The following SORCS2 variants were observed in gnomAD, a reference collection of about 807,000 sequenced individuals.
SORCS2 encodes the protein VPS10 domain-containing receptor SorCS2.
A neutral mutation model predicts 141.6 loss-of-function variants in SORCS2; 100 were observed. That is an observed-to-expected ratio of 0.71 (90% CI 0.60 to 0.83). The LOEUF (loss-of-function observed/expected upper bound fraction) is 0.83, where lower values mean the gene tolerates loss of function less well. Ranked by LOEUF, SORCS2 falls within the 40% of genes least tolerant of loss-of-function variation. The probability of loss-of-function intolerance (pLI) is 0.00; values close to 1 mark genes in which losing one functional copy is unlikely to be tolerated. For synonymous variants in SORCS2, 789 were observed against 676.9 expected, an observed-to-expected ratio of 1.17 and a Z score of -2.57; for missense variants, 1,646 against 1,560.2, an observed-to-expected ratio of 1.05 and a Z score of -0.93.
chr4:7,698,423 A>G (rs1724846185), intron 12 of SORCS2, among the ~76,000 whole-genome samples: 1 of 152,262 alleles, frequency 6.6e-6, no homozygotes. Context: ...CAAGAAACAT[A>G]GAACTTTCAA....
chr4:7,308,875 G>A lies in SORCS2; in HGVS notation c.481-87413G>A, dbSNP rs541575719. ...CAGGATAAAGCCACAGACCCTGCCC[G>A]TGCACAGCAGCAGCAGCAGAGACAC... On this transcript the variant is annotated intron_variant, in intron 1 of 26. Coordinates refer to ENST00000507866, the MANE Select transcript of SORCS2 (RefSeq NM_020777.3). Among the ~76,000 whole-genome samples the A allele has an allele frequency of 2.0e-3, 307 of 152,240 alleles. 1 individual carries two copies. The highest frequency in any genetic ancestry group is 7.0e-3 in the African/African-American group (292 of 41,534).
chr4:7,230,654 A>T (rs1711796746), intron 1 of SORCS2, among the ~76,000 whole-genome samples: 1 of 121,876 alleles, frequency 8.2e-6, no homozygotes, highest in Non-Finnish European at 1.8e-5. Flanking sequence ...TGTATGAAGG[A>T]GATGAAGATG....
intron 2 of SORCS2, chr4:7,434,738 A>AC: frequency 6.2e-7 from 1 of 1,613,032 alleles, no homozygotes; most frequent in Non-Finnish European, 8.5e-7. Context: ...CCTTGGCAGT[A>AC]CCCCACAGCC....
chr4:7,637,842 A>G (rs1314592458), intron 3 of SORCS2, among the ~76,000 whole-genome samples: 1 of 150,362 alleles, frequency 6.7e-6, no homozygotes, highest in East Asian at 2.0e-4. Flanking sequence ...CAGGCACTCC[A>G]TGAATGAATA....
chr4:7,337,888 T>C (rs1275891511), intron 1 of SORCS2, among the ~76,000 whole-genome samples: 1 of 152,066 alleles, frequency 6.6e-6, no homozygotes, highest in Non-Finnish European at 1.5e-5. Context: ...TGCTCCCACA[T>C]GCTGCCCCCT....
intron 9 of SORCS2, among the ~76,000 whole-genome samples, chr4:7,676,753 CTGT>C (rs1723149415): frequency 7.2e-6 from 1 of 138,544 alleles, no homozygotes; most frequent in Non-Finnish European, 1.6e-5. Flanking sequence ...CACCCCCGCC[CTGT>C]CATCTCCTCC....
chr4:7,542,469 G>A (rs1712757393), intron 3 of SORCS2, among the ~76,000 whole-genome samples: 1 of 152,204 alleles, frequency 6.6e-6, no homozygotes, highest in African/African-American at 2.4e-5. Flanking sequence ...ATGGGGAAGA[G>A]GAGAGGGCCA....
intron 1 of SORCS2, among the ~76,000 whole-genome samples, chr4:7,336,266 GGGA>G (rs1719982077): frequency 6.6e-6 from 1 of 152,192 alleles, no homozygotes; most frequent in Non-Finnish European, 1.5e-5. Context: ...CTCTGCTGAA[GGGA>G]GGAGAAGCAT....
chr4:7,344,070 C>T (rs1417141589), intron 1 of SORCS2, among the ~76,000 whole-genome samples: 3 of 152,186 alleles, frequency 2.0e-5, no homozygotes, highest in Non-Finnish European at 4.4e-5. Context: ...AATACTGACA[C>T]GGGAGGTATG....
At chr4:7,499,273 A>T (rs1424463749) in intron 2 of SORCS2, among the ~76,000 whole-genome samples, 1 of 152,112 alleles carries the variant, frequency 6.6e-6, no homozygotes, top group Non-Finnish European at 1.5e-5. Flanking sequence ...AGGTCGGGGG[A>T]CAGTGAGACG....
At chr4:7,558,099 G>C (rs146561683) in intron 3 of SORCS2, among the ~76,000 whole-genome samples, 1 of 152,340 alleles carries the variant, frequency 6.6e-6, no homozygotes, top group East Asian at 1.9e-4. Flanking sequence ...ACTGCCCACT[G>C]TGCCCCCAGG....
At chr4:7,541,028 C>T (rs1712606994) in intron 3 of SORCS2, among the ~76,000 whole-genome samples, 1 of 152,196 alleles carries the variant, frequency 6.6e-6, no homozygotes, top group Non-Finnish European at 1.5e-5. Flanking sequence ...CCAAACTATC[C>T]CTTCTGTCTC....
intron 8 of SORCS2, among the ~76,000 whole-genome samples, chr4:7,672,051 C>A (rs926363643): frequency 6.6e-6 from 1 of 150,782 alleles, no homozygotes; most frequent in African/African-American, 2.4e-5. Context: ...TCAAGCAATT[C>A]TCCTGCCTCA....
At chr4:7,734,097 G>C (rs1327657219) in intron 24 of SORCS2, among the ~76,000 whole-genome samples, 175 bp from the exon 25 acceptor site, 1 of 150,888 alleles carries the variant, frequency 6.6e-6, no homozygotes, top group East Asian at 2.0e-4. Flanking sequence ...GGGCTGGGGA[G>C]GGAATGGGAA....
chr4:7,354,812 G>GA (rs1213724118), intron 1 of SORCS2, among the ~76,000 whole-genome samples: 3 of 152,198 alleles, frequency 2.0e-5, no homozygotes, highest in African/African-American at 4.8e-5. Context: ...CCGAACCCCA[G>GA]AGTAAGTGAA....
chr4:7,324,850 G>A (rs1490960208), intron 1 of SORCS2, among the ~76,000 whole-genome samples: 2 of 152,210 alleles, frequency 1.3e-5, no homozygotes, highest in Admixed American at 6.5e-5. Flanking sequence ...CTTTCAAACC[G>A]AGGGCGGTTT....
At chr4:7,643,938 C>A (rs1360224043) in intron 4 of SORCS2, among the ~76,000 whole-genome samples, 1 of 152,160 alleles carries the variant, frequency 6.6e-6, no homozygotes, top group Non-Finnish European at 1.5e-5. Flanking sequence ...TCTTGAGTAA[C>A]AGAACAATTC....
intron 2 of SORCS2, among the ~76,000 whole-genome samples, chr4:7,453,064 C>A (rs564251734): frequency 3.1e-5 from 4 of 130,762 alleles, no homozygotes; most frequent in Non-Finnish European, 6.3e-5. Flanking sequence ...GGGTCAGGAG[C>A]TGTGTGTTGG....
intron 3 of SORCS2, among the ~76,000 whole-genome samples, chr4:7,609,203 T>G (rs920665164): frequency 6.6e-6 from 1 of 152,192 alleles, no homozygotes; most frequent in African/African-American, 2.4e-5. Context: ...TTGTTGTTTT[T>G]CATTTGTTTG....
Sources: gnomAD v4.1 joint callset for allele counts (sites outside exome capture counted in the v4.1 genomes callset) on GRCh38, gnomAD v4.1.1 for gene constraint, MANE v1.5 for transcripts, NCBI Gene and HGNC (gene_info 2026-07-23, HGNC 2026-07-21) for gene names.